The following GPSM1 variants were observed in gnomAD, a reference collection of about 807,000 sequenced individuals.
GPSM1 encodes G protein-signaling modulator 1.
Under a neutral mutation model 70.5 loss-of-function variants are expected in GPSM1, and 48 were observed. The observed-to-expected ratio is 0.68, with a 90% CI of 0.54 to 0.87. The LOEUF (loss-of-function observed/expected upper bound fraction) is 0.87, where lower values mean the gene tolerates loss of function less well. GPSM1 is among the 40% of genes least tolerant of loss of function. The pLI is 0.00. For synonymous variants in GPSM1, 416 were observed against 430.1 expected (o/e 0.97, Z 0.41); for missense variants, 981 against 972.6 (o/e 1.01, Z -0.11).
In GPSM1 at chr9:136,342,116, G is replaced by A. The variant is rs542964299; in HGVS notation, c.1207+1123G>A. Among the ~76,000 whole-genome samples the A allele has an allele frequency of 3.9e-5, 6 of 152,234 alleles. No homozygotes were observed. The East Asian group carries it at 1.2e-3, about 29-fold the overall frequency. ...GGACAAGGTGCTGTGACCGATGGCA[G>A]TGGGTGGGTAGGGGATGGGCTGGAA... On this transcript the variant is annotated intron_variant, in intron 9 of 13. Coordinates refer to ENST00000440944, the MANE Select transcript of GPSM1 (RefSeq NM_001145638.3). The surrounding 1 kb of genome is among the most constrained non-coding windows in gnomAD (Gnocchi z 5.5).
intron 6 of GPSM1, among the ~76,000 whole-genome samples, 155 bp downstream of exon 6, chr9:136,338,116 C>A (rs909807078): frequency 6.6e-6 from 1 of 152,186 alleles, no homozygotes; most frequent in South Asian, 2.1e-4. Flanking sequence ...GAAGGGCAGA[C>A]GGACAAAGCT....
intron 12 of GPSM1, 38 bp downstream of exon 12, chr9:136,355,884 G>A (rs782680132): frequency 1.4e-5 from 22 of 1,544,058 alleles, no homozygotes; most frequent in Middle Eastern, 1.9e-4. Flanking sequence ...CCTTGGGCTT[G>A]TCTGCAGGGG....
intron 9 of GPSM1, among the ~76,000 whole-genome samples, chr9:136,346,000 C>T (rs961904300): frequency 2.0e-4 from 31 of 152,348 alleles, no homozygotes; most frequent in African/African-American, 7.0e-4. Context: ...ACCCTGATCC[C>T]GCTGACCACT....
rs553453323 is a variant in GPSM1 at position 136,342,997 on chromosome 9, C to G, written c.1207+2004C>G. On this transcript the variant is annotated intron_variant, in intron 9 of 13. Coordinates refer to ENST00000440944, the MANE Select transcript of GPSM1 (RefSeq NM_001145638.3). This position sits in a 1 kb window ranked among gnomAD's most constrained non-coding sequence, Gnocchi z 5.5. ...GGGTTTGGTGTCCCGTTGATAAACACAAGGAGACTTACGTGCGGCTGGAGG... is the reference window on the plus strand; with the variant it reads ...GGGTTTGGTGTCCCGTTGATAAACAGAAGGAGACTTACGTGCGGCTGGAGG... Among the ~76,000 whole-genome samples the G allele has an allele frequency of 5.4e-4, 82 of 152,238 alleles. 1 individual carries two copies. The highest frequency in any genetic ancestry group is 1.9e-3 in the African/African-American group (79 of 41,528).
chr9:136,336,598 A>G (rs1832242227), intron 3 of GPSM1, among the ~76,000 whole-genome samples: 1 of 152,096 alleles, frequency 6.6e-6, no homozygotes, highest in Admixed American at 6.5e-5. Flanking sequence ...ACACAGCTGG[A>G]GGTGACCAAG....
chr9:136,340,174 C>T lies in GPSM1; in HGVS notation c.1083+359C>T, dbSNP rs1554769953. Among the ~76,000 whole-genome samples the T allele has an allele frequency of 6.6e-6, 1 of 152,056 alleles. No homozygotes were observed. Among genetic ancestry groups the T allele is most frequent in the African/African-American group, 2.4e-5 (1 of 41,390 alleles). On this transcript the variant is annotated intron_variant, in intron 8 of 13. Coordinates refer to ENST00000440944, the MANE Select transcript of GPSM1 (RefSeq NM_001145638.3). This position sits in a 1 kb window ranked among gnomAD's most constrained non-coding sequence, Gnocchi z 7.3. The stretch of plus-strand genomic sequence containing the variant: ...GGCCTGTCCTTACATCACCCACTCC[C>T]ACGCCACCTCCCTCTGCACACCCCG...
intron 11 of GPSM1, among the ~76,000 whole-genome samples, chr9:136,351,148 C>A (rs1338955923): frequency 6.6e-6 from 1 of 152,182 alleles, no homozygotes; most frequent in African/African-American, 2.4e-5. Flanking sequence ...TTCGCAGCCC[C>A]CCGAGGCTGC....
intron 7 of GPSM1, 104 bp downstream of exon 7, chr9:136,338,814 A>G (rs1439699247): frequency 3.5e-5 from 41 of 1,185,280 alleles, no homozygotes; most frequent in Non-Finnish European, 4.7e-5. Context: ...TCTGCCACTG[A>G]CCATGCTGTG....
intron 8 of GPSM1, 127 bp downstream of exon 8, chr9:136,339,942 C>A: frequency 1.5e-6 from 1 of 650,920 alleles, no homozygotes; most frequent in Non-Finnish European, 2.8e-6. Flanking sequence ...GCCATTGCAG[C>A]TGCCTGGTCC....
rs781956931 is a variant in GPSM1 at position 136,358,100 on chromosome 9, C to T, written c.1908C>T (p.Leu636=). 9 of 1,612,674 alleles carry T rather than the reference C, an allele frequency of 5.6e-6. No homozygotes were observed. Among genetic ancestry groups the T allele is most frequent in the Admixed American group, 1.7e-5 (1 of 60,008 alleles). ...PTMPDEDFFS[L]IQRVQAKRMD... Reference sequence around the variant, plus strand: ...TGCCGGACGAGGACTTCTTCAGCCTCATTCAGAGGGTGCAGGCTAAGCGCA... The same window carrying T: ...TGCCGGACGAGGACTTCTTCAGCCTTATTCAGAGGGTGCAGGCTAAGCGCA... Residue 636 remains leucine, a synonymous_variant, in exon 14 of 14, where the codon CTC becomes CTT. Transcript: ENST00000440944.
chr9:136,344,013 G>A (rs1236564623), intron 9 of GPSM1, among the ~76,000 whole-genome samples: 6 of 152,132 alleles, frequency 3.9e-5, no homozygotes, highest in Non-Finnish European at 4.4e-5. Context: ...CACTGCTGGG[G>A]CCCTCACTGG....
At chr9:136,357,290 A>G (rs1369668570) in intron 13 of GPSM1, among the ~76,000 whole-genome samples, 1 of 152,160 alleles carries the variant, frequency 6.6e-6, no homozygotes, top group Non-Finnish European at 1.5e-5. Flanking sequence ...CCCACCACGA[A>G]CCAAGCCAGC....
chr9:136,343,663 C>T lies in GPSM1; in HGVS notation c.1207+2670C>T, dbSNP rs912480309. The stretch of plus-strand genomic sequence containing the variant: ...CTGGCCAGCTGATCAAGTGACTTGA[C>T]CCACTTGTGCCTCAGTGTCCCCATC... On this transcript the variant is annotated intron_variant, in intron 9 of 13. Coordinates refer to ENST00000440944, the MANE Select transcript of GPSM1 (RefSeq NM_001145638.3). This position sits in a 1 kb window ranked among gnomAD's most constrained non-coding sequence, Gnocchi z 6.0. Among the ~76,000 whole-genome samples the T allele has an allele frequency of 3.2e-4, 49 of 152,258 alleles. No individual in the cohort carries two copies. The highest frequency in any genetic ancestry group is 1.1e-3 in the African/African-American group (45 of 41,474).
chr9:136,334,785 A>C, intron 2 of GPSM1, 117 bp downstream of exon 2: 1 of 733,200 alleles, frequency 1.4e-6, no homozygotes, highest in Non-Finnish European at 2.1e-6. Context: ...GAGTGGGGAC[A>C]GCCCTGCTGG....
intron 7 of GPSM1, 24 bp downstream of exon 7, chr9:136,338,734 G>GCAGAC (rs1832314171): frequency 1.3e-6 from 2 of 1,529,306 alleles, no homozygotes; most frequent in Admixed American, 2.0e-5. Flanking sequence ...GACGCGGCGG[G>GCAGAC]CAGACCCGGC....
chr9:136,337,661 G>A (rs949315703), intron 5 of GPSM1, 97 bp downstream of exon 5: 2 of 1,269,050 alleles, frequency 1.6e-6, no homozygotes, highest in Non-Finnish European at 2.2e-6. Context: ...AGGGTGGTAT[G>A]GCCAGGCAGC....
intron 1 of GPSM1, among the ~76,000 whole-genome samples, chr9:136,329,621 T>C (rs1222400567): frequency 2.6e-5 from 4 of 152,144 alleles, no homozygotes; most frequent in African/African-American, 9.7e-5. Context: ...GGGCTCCAGG[T>C]TGGCCCAAGG....
At position 136,355,008 on chromosome 9, in the gene GPSM1, C is replaced by T. The variant is rs556802572; in HGVS notation, c.1456-682C>T. 65 of 1,080,494 alleles carry T rather than the reference C, an allele frequency of 6.0e-5. 2 individuals are homozygous for T. The South Asian group carries it at 1.4e-3, about 23-fold the overall frequency. The allele number at this position is 1,080,494 out of a possible 1,614,324, so 66.9% of individuals were successfully genotyped here. A position where few individuals can be genotyped will look rare whatever the true frequency, so the allele number is the denominator to read the frequency against. On this transcript the variant is annotated intron_variant, in intron 11 of 13. Transcript: ENST00000440944. ...TGAGAGGGGAGAAGTCCGGGGCAGT[C>T]GGCGGGTGCCGAGGGTGAGTGACAC... is the stretch of plus-strand genomic sequence containing the variant.
chr9:136,335,475 AG>A (rs1300809696), intron 2 of GPSM1, among the ~76,000 whole-genome samples: 1 of 152,062 alleles, frequency 6.6e-6, no homozygotes, highest in East Asian at 1.9e-4. Context: ...ACCTCTCAGC[AG>A]GGCAGAGCTT....
Sources: allele counts gnomAD v4.1 joint callset (sites outside exome capture counted in the v4.1 genomes callset), GRCh38; gene constraint gnomAD v4.1.1; non-coding constraint Gnocchi (gnomAD v3.1); transcripts MANE v1.5; gene names NCBI Gene and HGNC (gene_info 2026-07-23, HGNC 2026-07-21).